PDCD7: variants seen among roughly 807,000 people sequenced by gnomAD.
PDCD7 encodes programmed cell death protein 7.
PDCD7 carries 40 observed loss-of-function variants against 42.1 expected under a neutral mutation model. The ratio of observed to expected loss-of-function variants is 0.95; its 90% CI spans 0.74 to 1.24. The LOEUF (loss-of-function observed/expected upper bound fraction) is 1.24, where lower values mean the gene tolerates loss of function less well. Among genes scored for constraint, PDCD7 ranks in the 50% most tolerant of loss-of-function variants. PDCD7 has a pLI of 0.00. For synonymous variants in PDCD7, 299 were observed against 303.3 expected (o/e 0.99, Z 0.15); for missense variants, 644 against 662.8 (o/e 0.97, Z 0.31).
chr15:65,132,807 C>T lies in PDCD7; in HGVS notation c.870+105G>A, dbSNP rs897000226. 10 of 1,506,704 alleles carry T rather than the reference C, an allele frequency of 6.6e-6. No homozygotes were observed. The African/African-American group carries it at 1.1e-4, about 17-fold the overall frequency. The allele number at this position is 1,506,704 out of a possible 1,614,324, so 93.3% of individuals were successfully genotyped here. A position where few individuals can be genotyped will look rare whatever the true frequency, so the allele number is the denominator to read the frequency against. On this transcript the variant is annotated intron_variant, in intron 1 of 4. Transcript: ENST00000204549. ...AGGTTAGCTATCGCTTCATTTTGCG[C>T]GTAAAACAGAGGCTTAGCCCTGGGA...
At chr15:65,131,348 A>G (rs1447628660) in intron 1 of PDCD7, among the ~76,000 whole-genome samples, 1 of 152,162 alleles carries the variant, frequency 6.6e-6, no homozygotes, top group Non-Finnish European at 1.5e-5. Context: ...CACTGTTTCC[A>G]CATTATGGTG....
At chr15:65,123,547 G>A (rs751826283) in intron 2 of PDCD7, among the ~76,000 whole-genome samples, 10 of 152,180 alleles carry the variant, frequency 6.6e-5, no homozygotes, top group Non-Finnish European at 1.3e-4. Flanking sequence ...CCAGCTTTGA[G>A]CACTAAATTT....
Position 65,118,826 on chromosome 15 carries a change from T to C in PDCD7, c.1349A>G (p.Gln450Arg). 6.3e-7 allele frequency: 1 copy of C among 1,596,498 alleles called. No homozygotes were observed. The highest frequency in any genetic ancestry group is 8.5e-7 in the Non-Finnish European group (1 of 1,172,306). ...ALIQIRHDWDQYLVPSDHPKG... is the reference protein window; with the variant it reads ...ALIQIRHDWDRYLVPSDHPKG... ...GGGATGATCGGATGGCACCAGGTAC[T>C]GATCCCAATCATGCCTTAATAAGAA... is the stretch of plus-strand genomic sequence containing the variant. The change falls in exon 5 of 5, where the codon CAG becomes CGG. Residue 450 changes from glutamine to arginine, a missense_variant. Gln to Arg is a conservative substitution (Grantham distance 43, BLOSUM62 1). Transcript: ENST00000204549.
In PDCD7 at chr15:65,117,570, TC is replaced by T. The variant is rs2087417286; in HGVS notation, c.*1146del. ...TTTTGAGACGGAGTCTTGCTCTGTC[TC>T]CCAGGCTGGAGTGCCGTGGCGCGAT... On this transcript the variant is annotated 3_prime_UTR_variant, in exon 5 of 5. Coordinates refer to ENST00000204549, the MANE Select transcript of PDCD7 (RefSeq NM_005707.2). 1 of 151,708 alleles carries T rather than the reference TC, an allele frequency of 6.6e-6. No individual in the cohort carries two copies. The highest frequency in any genetic ancestry group is 2.4e-5 in the African/African-American group (1 of 41,326). The allele number at this position is 151,708 out of a possible 1,614,324, so 9.4% of individuals were successfully genotyped here.
intron 2 of PDCD7, among the ~76,000 whole-genome samples, chr15:65,128,751 T>C (rs2087516428): frequency 6.6e-6 from 1 of 151,912 alleles, no homozygotes; most frequent in African/African-American, 2.4e-5. Flanking sequence ...CTCAGAAGAG[T>C]GTGGCCAGAA....
Position 65,118,533 on chromosome 15 carries a change from T to G in PDCD7, c.*184A>C. 2 of 508,470 alleles carry G rather than the reference T, an allele frequency of 3.9e-6. No homozygotes were observed. The highest frequency in any genetic ancestry group is 3.1e-6 in the Non-Finnish European group (1 of 318,324). The allele number at this position is 508,470 out of a possible 1,614,324, so 31.5% of individuals were successfully genotyped here. On this transcript the variant is annotated 3_prime_UTR_variant, in exon 5 of 5. Transcript: ENST00000204549. Reference sequence around the variant, plus strand: ...CTAAGTCCTTTCCTGAAAAACCACATTAATCTGATTCAAGAGGCACCTCTG... The same window carrying G: ...CTAAGTCCTTTCCTGAAAAACCACAGTAATCTGATTCAAGAGGCACCTCTG...
chr15:65,133,134 G>C lies in PDCD7; in HGVS notation c.648C>G (p.Arg216=). ...VLLYSQTAPL[R]AELAERLQPL... ...GCTGTAGCCGCTCGGCCAGTTCCGCGCGCAGCGGCGCGGTCTGGGAGTACA... is the reference window on the plus strand; with the variant it reads ...GCTGTAGCCGCTCGGCCAGTTCCGCCCGCAGCGGCGCGGTCTGGGAGTACA... Residue 216 remains arginine, a synonymous_variant, in exon 1 of 5, where the codon CGC becomes CGG. Transcript: ENST00000204549. 1 of 1,535,430 alleles carries C rather than the reference G, an allele frequency of 6.5e-7. No individual in the cohort carries two copies. The highest frequency in any genetic ancestry group is 8.7e-7 in the Non-Finnish European group (1 of 1,147,524).
chr15:65,129,095 C>G lies in PDCD7; in HGVS notation c.946G>C (p.Val316Leu). 1 of 1,613,872 alleles carries G rather than the reference C, an allele frequency of 6.2e-7. No homozygotes were observed. Among genetic ancestry groups the G allele is most frequent in the Non-Finnish European group, 8.5e-7 (1 of 1,179,720 alleles). ...TTCTCCAAAGCCCGTAGAATGTCCA[C>G]CATTCTTTTGGTATCTGCTTGTTTT... ...RKKQADTKRM[V>L]DILRALEKLR... Residue 316 changes from valine to leucine, a missense_variant, in exon 2 of 5, where the codon GTG becomes CTG. Coordinates refer to ENST00000204549, the MANE Select transcript of PDCD7 (RefSeq NM_005707.2).
rs1464541908 is a variant in PDCD7 at position 65,118,835 on chromosome 15, T to C, written c.1340A>G (p.Asp447Gly). 2 of 1,586,414 alleles carry C rather than the reference T, an allele frequency of 1.3e-6. No homozygotes were observed. Among genetic ancestry groups the C allele is most frequent in the Non-Finnish European group, 1.7e-6 (2 of 1,167,650 alleles). Reference sequence around the variant, plus strand: ...GGATGGCACCAGGTACTGATCCCAATCATGCCTTAATAAGAACATTATAGA... The same window carrying C: ...GGATGGCACCAGGTACTGATCCCAACCATGCCTTAATAAGAACATTATAGA... ...SLPALIQIRH[D>G]WDQYLVPSDH... Residue 447 changes from aspartate to glycine, a missense_variant, in exon 5 of 5, where the codon GAT becomes GGT. By Grantham distance (94) the Asp-to-Gly change is moderately conservative (BLOSUM62 -1). Coordinates refer to ENST00000204549, the MANE Select transcript of PDCD7 (RefSeq NM_005707.2).
At position 65,118,800 on chromosome 15, in the gene PDCD7, T is replaced by C; in HGVS notation, c.1375A>G (p.Lys459Glu). 6.2e-7 allele frequency: 1 copy of C among 1,611,198 alleles called. No individual in the cohort carries two copies. Among genetic ancestry groups the C allele is most frequent in the Non-Finnish European group, 8.5e-7 (1 of 1,178,850 alleles). ...CATCCTTGGGGAACGAAGTTGCCTT[T>C]GGGATGATCGGATGGCACCAGGTAC... The part of the protein sequence containing the change: ...DQYLVPSDHP[K>E]GNFVPQGWVL... Residue 459 changes from lysine to glutamate, a missense_variant, in exon 5 of 5, where the codon AAA becomes GAA. Transcript: ENST00000204549.
At chr15:65,126,571 T>C (rs2087497825) in intron 2 of PDCD7, among the ~76,000 whole-genome samples, 1 of 151,916 alleles carries the variant, frequency 6.6e-6, no homozygotes, top group African/African-American at 2.4e-5. Flanking sequence ...TTGGGCAACA[T>C]GGCGAAACTC....
intron 1 of PDCD7, among the ~76,000 whole-genome samples, chr15:65,131,197 GAGCAC>G (rs1291153729): frequency 6.6e-6 from 1 of 152,138 alleles, no homozygotes; most frequent in Non-Finnish European, 1.5e-5. Context: ...ATTCTCATAG[GAGCAC>G]AAAGAAGTGA....
intron 1 of PDCD7, 69 bp from the exon 2 acceptor site, chr15:65,129,239 G>C (rs753930014): frequency 3.0e-5 from 46 of 1,531,704 alleles, no homozygotes; most frequent in Non-Finnish European, 4.0e-5. Context: ...TAGCTGCCCA[G>C]TGGTTAGATT....
Position 65,129,022 on chromosome 15 carries a change from C to T in PDCD7, c.1009+10G>A, listed in dbSNP as rs2087518075. ...AGGGAACAAGGAAAGAAATGCAAAG[C>T]CACAGTTACCTTTCCTCGCTGCAGC... On this transcript the variant is annotated intron_variant, in intron 2 of 4. Transcript: ENST00000204549. 6.2e-7 allele frequency: 1 copy of T among 1,613,812 alleles called. No individual in the cohort carries two copies. Among genetic ancestry groups the T allele is most frequent in the African/African-American group, 1.3e-5 (1 of 74,928 alleles).
At chr15:65,120,011 C>T (rs1566971346) in intron 2 of PDCD7, 57 bp from the exon 3 acceptor site, 9 of 1,540,440 alleles carry the variant, frequency 5.8e-6, no homozygotes, top group Middle Eastern at 2.2e-4. Flanking sequence ...GACAAGGCCT[C>T]GCTCTAACAC....
At position 65,133,756 on chromosome 15, in the gene PDCD7, TG is replaced by T; in HGVS notation, c.25del (p.Gln9ArgfsTer183). 7.5e-7 allele frequency: 1 copy of T among 1,333,586 alleles called. No individual in the cohort carries two copies. The highest frequency in any genetic ancestry group is 9.6e-7 in the Non-Finnish European group (1 of 1,039,938). 82.6% of individuals were successfully genotyped at this position (1,333,586 alleles called of 1,614,324 possible). MALPPFFGQGRPGPPPPQP... is the reference protein window; with the variant it reads MALPPFFGXGRPGPPPPQP... The stretch of plus-strand genomic sequence containing the variant: ...CGGGGGCGGTGGGCCTGGGCGACCC[TG>T]GCCGAAGAATGGTGGCAGGGCCATG... On this transcript the variant is annotated frameshift_variant, in exon 1 of 5. Transcript: ENST00000204549. LOFTEE classifies it high-confidence loss of function.
Position 65,133,679 on chromosome 15 carries a change from G to A in PDCD7, c.103C>T (p.Pro35Ser), listed in dbSNP as rs1331635055. The A allele has an allele frequency of 3.1e-6, 4 of 1,271,112 alleles. No individual in the cohort carries two copies. Among genetic ancestry groups the A allele is most frequent in the East Asian group, 3.1e-5 (1 of 32,180 alleles). The allele number at this position is 1,271,112 out of a possible 1,614,324, so 78.7% of individuals were successfully genotyped here. A position where few individuals can be genotyped will look rare whatever the true frequency, so the allele number is the denominator to read the frequency against. Residue 35 changes from proline to serine, a missense_variant, in exon 1 of 5, where the codon CCG becomes TCG. Physicochemically the swap from Pro to Ser is moderately conservative, Grantham distance 74. Transcript: ENST00000204549. ...FGCPPPPLPS[P>S]AFPPPLPQRP... ...TGGGGGAGAGGCGGCGGGAAAGCCG[G>A]GGAGGGCAGCGGCGGTGGCGGACAG...
rs368106385 is a variant in PDCD7, at chr15:65,119,427, C to T, written c.1283G>A (p.Arg428Gln). The change falls in exon 4 of 5, where the codon CGA (arginine) becomes CAA (glutamine). Residue 428 changes from arginine to glutamine, a missense_variant. Transcript: ENST00000204549. ...FPLAHLLEPFRQYYLQAEHSL... is the reference protein window; with the variant it reads ...FPLAHLLEPFQQYYLQAEHSL... ...GTGCTCGGCTTGGAGATAATACTGT[C>T]GGAAAGGCTCCAAGAGGTGAGCAAG... is the stretch of plus-strand genomic sequence containing the variant. The T allele has an allele frequency of 1.6e-5, 26 of 1,613,818 alleles. No homozygotes were observed. Among genetic ancestry groups the T allele is most frequent in the African/African-American group, 1.6e-4 (12 of 74,892 alleles).
rs900115394 is a variant in PDCD7, at chr15:65,128,889, C to T, written c.1009+143G>A. On this transcript the variant is annotated intron_variant, in intron 2 of 4. Transcript: ENST00000204549. ...AGGCTTCCTGCTTCAGAAGTTCTGA[C>T]CTACTTGCTGACAAGCCCAGTTACC... 4.9e-5 allele frequency: 45 copies of T among 916,386 alleles called. No homozygotes were observed. The Admixed American group carries it at 9.9e-4, about 20-fold the overall frequency. 56.8% of individuals were successfully genotyped at this position (916,386 alleles called of 1,614,324 possible).
Sources: allele counts gnomAD v4.1 joint callset (sites outside exome capture counted in the v4.1 genomes callset), GRCh38; gene constraint gnomAD v4.1.1; transcripts MANE v1.5; gene names NCBI Gene and HGNC (gene_info 2026-07-23, HGNC 2026-07-21).